ITGAX: variants seen among roughly 807,000 people sequenced by gnomAD.
The protein encoded by ITGAX is integrin subunit alpha X.
ITGAX carries 99 observed loss-of-function variants against 140.2 expected under a neutral mutation model. That is an observed-to-expected ratio of 0.71 (90% CI 0.60 to 0.83). The LOEUF (loss-of-function observed/expected upper bound fraction) is 0.83, where lower values mean the gene tolerates loss of function less well. Among genes scored for constraint, ITGAX ranks in the 40% least tolerant of loss-of-function variants. The pLI, the probability that ITGAX is intolerant of heterozygous loss-of-function variation, is 0.00. For missense variants in ITGAX, 1,444 were observed against 1,482.0 expected (o/e 0.97, Z 0.42); for synonymous variants, 631 against 600.4 (o/e 1.05, Z -0.75).
Position 31,363,365 on chromosome 16 carries a change from C to A in ITGAX, c.1701C>A (p.Ser567=), listed in dbSNP as rs2080858979. The part of the protein sequence containing the change: ...HGVLGPSISP[S]HSQRIAGSQL... Reference sequence around the variant, plus strand: ...TCTTGGGACCCAGCATCAGCCCCTCCCACAGCCAGGTGAGGCCGTGTCCCA... The same window carrying A: ...TCTTGGGACCCAGCATCAGCCCCTCACACAGCCAGGTGAGGCCGTGTCCCA... The change falls in exon 14 of 30, where the codon TCC becomes TCA. Residue 567 remains serine (S), a synonymous_variant. Coordinates refer to ENST00000268296, the MANE Select transcript of ITGAX (RefSeq NM_000887.5). 1 of 1,613,726 alleles carries A rather than the reference C, an allele frequency of 6.2e-7. No individual in the cohort carries two copies. Among genetic ancestry groups the A allele is most frequent in the Non-Finnish European group, 8.5e-7 (1 of 1,179,738 alleles).
rs902653309 is a variant in ITGAX at position 31,372,256 on chromosome 16, G to T, written c.2161-122G>T. Reference sequence around the variant, plus strand: ...TCCTGAAGGCGGTGACGCTGAGCAGGCTCTGGAGGAAGCTGAAGCCGCGCG... The same window carrying T: ...TCCTGAAGGCGGTGACGCTGAGCAGTCTCTGGAGGAAGCTGAAGCCGCGCG... On this transcript the variant is annotated intron_variant, in intron 17 of 29. Coordinates refer to ENST00000268296, the MANE Select transcript of ITGAX (RefSeq NM_000887.5). The T allele has an allele frequency of 1.4e-5, 16 of 1,133,850 alleles. No individual in the cohort carries two copies. The Admixed American group carries it at 3.2e-4, about 23-fold the overall frequency. 70.2% of individuals were successfully genotyped at this position (1,133,850 alleles called of 1,614,324 possible).
Position 31,362,131 on chromosome 16 carries a change from G to A in ITGAX, c.1143G>A (p.Leu381=). 1 of 1,614,110 alleles carries A rather than the reference G, an allele frequency of 6.2e-7. No homozygotes were observed. Among genetic ancestry groups the A allele is most frequent in the Non-Finnish European group, 8.5e-7 (1 of 1,180,008 alleles). Residue 381 remains leucine, a synonymous_variant, in exon 11 of 30, where the codon CTG becomes CTA. Coordinates refer to ENST00000268296, the MANE Select transcript of ITGAX (RefSeq NM_000887.5). ...GSFTWSGGAF[L]YPPNMSPTFI... is the part of the protein sequence containing the mutation. Reference sequence around the variant, plus strand: ...TCACCTGGTCTGGAGGTGCCTTCCTGTACCCCCCAAATATGAGCCCTACCT... The same window carrying A: ...TCACCTGGTCTGGAGGTGCCTTCCTATACCCCCCAAATATGAGCCCTACCT...
intron 26 of ITGAX, 81 bp downstream of exon 26, chr16:31,380,146 T>G (rs2081055245): frequency 4.5e-6 from 7 of 1,545,046 alleles, no homozygotes; most frequent in Non-Finnish European, 6.2e-6. Context: ...TCCATATCCA[T>G]CCTGCTGAAG....
At position 31,372,372 on chromosome 16, in the gene ITGAX, C is replaced by T. The variant is rs1305451746; in HGVS notation, c.2161-6C>T. On this transcript the variant is annotated splice_region_variant and splice_polypyrimidine_tract_variant and intron_variant, in intron 17 of 29. Transcript: ENST00000268296. ...CCCTCCGCTCCCCGCGACGCCCGTCCCCCAGAGCTGCGTGGAGGACTCTGT... is the reference window on the plus strand; with the variant it reads ...CCCTCCGCTCCCCGCGACGCCCGTCTCCCAGAGCTGCGTGGAGGACTCTGT... The T allele has an allele frequency of 1.3e-6, 2 of 1,598,932 alleles. No individual in the cohort carries two copies. Among genetic ancestry groups the T allele is most frequent in the Non-Finnish European group, 1.7e-6 (2 of 1,176,290 alleles).
chr16:31,356,720 G>T lies in ITGAX; in HGVS notation c.239G>T (p.Gly80Val), dbSNP rs1294025970. 12 of 1,585,748 alleles carry T rather than the reference G, an allele frequency of 7.6e-6. No homozygotes were observed. The African/African-American group carries it at 1.2e-4, about 16-fold the overall frequency. The change falls in exon 3 of 30, where the codon GGC (glycine) becomes GTC (valine). Residue 80 changes from glycine (G) to valine (V), a missense_variant. Physicochemically the swap from Gly to Val is moderately radical, Grantham distance 109. Transcript: ENST00000268296. ...AGCACTGGTGCCTGTGAGCCCATCG[G>T]CCTGCAGGGTGAGTCACCGCCCCTC... ...GYSTGACEPI[G>V]LQVPPEAVNM... is the part of the protein sequence containing the mutation.
In ITGAX at chr16:31,359,680, G is replaced by T. The variant is rs762282693; in HGVS notation, c.431-20G>T. ...CTCCAGGAGTGTCACTTGGAGGACC[G>T]GTGCCACCTCCTTCCCCAGAGTGCC... On this transcript the variant is annotated intron_variant, in intron 5 of 29. Transcript: ENST00000268296. The T allele has an allele frequency of 1.2e-6, 2 of 1,612,622 alleles. No homozygotes were observed. The highest frequency in any genetic ancestry group is 1.7e-6 in the Non-Finnish European group (2 of 1,179,070).
chr16:31,381,185 G>T (rs2081066325), intron 29 of ITGAX, among the ~76,000 whole-genome samples, 178 bp downstream of exon 29: 1 of 152,098 alleles, frequency 6.6e-6, no homozygotes, highest in African/African-American at 2.4e-5. Context: ...GTGATTCCCA[G>T]GCTTCCTCTA....
intron 28 of ITGAX, 26 bp from the exon 29 acceptor site, chr16:31,380,871 C>G: frequency 1.3e-6 from 2 of 1,590,496 alleles, no homozygotes; most frequent in Non-Finnish European, 1.7e-6. Context: ...GATGGGAGTG[C>G]TCTGACAGGG....
rs1225626689 is a variant in ITGAX, at chr16:31,359,776, G to T, written c.507G>T (p.Thr169=). ...SGSISSRNFA[T]MMNFVRAVIS... Reference sequence around the variant, plus strand: ...GCATCTCCTCCCGCAACTTTGCCACGATGATGAACTTCGTGAGAGCTGTGA... The same window carrying T: ...GCATCTCCTCCCGCAACTTTGCCACTATGATGAACTTCGTGAGAGCTGTGA... The change falls in exon 6 of 30, where the codon ACG becomes ACT. Residue 169 remains threonine, a synonymous_variant. Coordinates refer to ENST00000268296, the MANE Select transcript of ITGAX (RefSeq NM_000887.5). The T allele has an allele frequency of 1.2e-6, 2 of 1,614,164 alleles. No individual in the cohort carries two copies. The highest frequency in any genetic ancestry group is 1.7e-6 in the Non-Finnish European group (2 of 1,180,032).
intron 14 of ITGAX, among the ~76,000 whole-genome samples, chr16:31,367,950 CAACATT>C (rs2080908164): frequency 6.6e-6 from 1 of 152,106 alleles, no homozygotes; most frequent in Admixed American, 6.6e-5. Flanking sequence ...GTCAAAATAT[CAACATT>C]AACACGAGTT....
In ITGAX at chr16:31,357,326, C is replaced by CCACCCAGCT. The variant is rs1317818393; in HGVS notation, c.400_408dup (p.Leu134_Gln136dup). ...ACCGGACTCTGCTTCCTCCTGGGCC[C>CCACCCAGCT]CACCCAGCTCACCCAGAGGCTCCCG... On this transcript the variant is annotated inframe_insertion, in exon 5 of 30. Coordinates refer to ENST00000268296, the MANE Select transcript of ITGAX (RefSeq NM_000887.5). 10 of 1,607,154 alleles carry CCACCCAGCT rather than the reference C, an allele frequency of 6.2e-6. No individual in the cohort carries two copies. The highest frequency in any genetic ancestry group is 8.5e-6 in the Non-Finnish European group (10 of 1,177,568).
intron 23 of ITGAX, among the ~76,000 whole-genome samples, chr16:31,378,889 C>T (rs964908878): frequency 2.0e-5 from 3 of 151,444 alleles, no homozygotes. Context: ...CATCTCTGCT[C>T]ACTGCAACCT....
At chr16:31,367,803 A>G (rs1373787454) in intron 14 of ITGAX, among the ~76,000 whole-genome samples, 3 of 152,230 alleles carry the variant, frequency 2.0e-5, no homozygotes, top group Non-Finnish European at 4.4e-5. Context: ...ATTATTTCAG[A>G]AATACATTTC....
chr16:31,380,973 T>A lies in ITGAX; in HGVS notation c.3353T>A (p.Leu1118Ter). 6.2e-7 allele frequency: 1 copy of A among 1,614,140 alleles called. No homozygotes were observed. The highest frequency in any genetic ancestry group is 8.5e-7 in the Non-Finnish European group (1 of 1,179,998). ...GTAGGCAGCTCCATTGGGGGTCTGT[T>A]GCTGCTGGCACTCATCACAGCGGTA... ...LIVGSSIGGL[L>*]LLALITAVLY... The change falls in exon 29 of 30, where the codon TTG becomes TAG. Residue 1118 changes from leucine (L) to a stop codon, truncating the protein, a stop_gained. Transcript: ENST00000268296. LOFTEE classifies it low-confidence loss of function (END_TRUNC).
chr16:31,355,584 A>G (rs1371510870), intron 1 of ITGAX, among the ~76,000 whole-genome samples: 1 of 152,192 alleles, frequency 6.6e-6, no homozygotes, highest in Non-Finnish European at 1.5e-5. Flanking sequence ...TGTGGACAGG[A>G]TGCTTTGGTC....
In ITGAX at chr16:31,372,453, T is replaced by A; in HGVS notation, c.2236T>A (p.Phe746Ile). ...GCTGGTGGGCAAGCCCCTCCTTGCC[T>A]TCAGAAACCTGCGGCCTATGCTGGC... is the stretch of plus-strand genomic sequence containing the variant. Reference protein sequence around the residue: ...FTLVGKPLLAFRNLRPMLAAD... With the variant: ...FTLVGKPLLAIRNLRPMLAAD... The change falls in exon 18 of 30, where the codon TTC becomes ATC. Residue 746 changes from phenylalanine (F) to isoleucine (I), a missense_variant. Phe to Ile is a conservative substitution (Grantham distance 21, BLOSUM62 0). Transcript: ENST00000268296. 1.9e-6 allele frequency: 3 copies of A among 1,608,212 alleles called. No homozygotes were observed. The highest frequency in any genetic ancestry group is 2.5e-6 in the Non-Finnish European group (3 of 1,178,582).
intron 14 of ITGAX, among the ~76,000 whole-genome samples, chr16:31,368,497 C>A (rs867739207): frequency 0.02 from 2,491 of 125,056 alleles, no homozygotes; most frequent in Middle Eastern, 0.024. Context: ...AAGTGTGTCT[C>A]AAAAAAAAAA....
chr16:31,362,479 T>A, intron 11 of ITGAX, 132 bp from the exon 12 acceptor site: 1 of 1,024,850 alleles, frequency 9.8e-7, no homozygotes, highest in Non-Finnish European at 1.3e-6. Flanking sequence ...GGAGAGAGGA[T>A]GGGGGCTGCA....
At chr16:31,381,118 A>G (rs2081065658) in intron 29 of ITGAX, 111 bp downstream of exon 29, 1 of 773,308 alleles carries the variant, frequency 1.3e-6, no homozygotes, top group Non-Finnish European at 2.1e-6. Flanking sequence ...GGGTCACTTC[A>G]TATGAGAAAC....
Sources: allele counts gnomAD v4.1 joint callset (sites outside exome capture counted in the v4.1 genomes callset), GRCh38; gene constraint gnomAD v4.1.1; transcripts MANE v1.5; gene names NCBI Gene and HGNC (gene_info 2026-07-23, HGNC 2026-07-21).